PRR16: variants seen among roughly 807,000 people sequenced by gnomAD.
The protein encoded by PRR16 is proline rich 16, also known as protein Largen.
Under a neutral mutation model 18.2 loss-of-function variants are expected in PRR16, and 6 were observed. The ratio of observed to expected loss-of-function variants is 0.33; its 90% CI spans 0.18 to 0.65. PRR16 has a LOEUF of 0.65. PRR16 is among the 30% of genes least tolerant of loss of function. PRR16 has a pLI of 0.74. For missense variants in PRR16, 412 were observed against 376.6 expected (o/e 1.09, Z -0.78); for synonymous variants, 151 against 147.8 (o/e 1.02, Z -0.16).
intron 1 of PRR16, among the ~76,000 whole-genome samples, chr5:120,684,611 A>G (rs1440554724): frequency 6.6e-6 from 1 of 152,214 alleles, no homozygotes; most frequent in East Asian, 1.9e-4. Flanking sequence ...TATGGTGGCT[A>G]TGAGAATGGC....
rs142273290 is a variant in PRR16 at position 120,473,927 on chromosome 5, C to T, written c.159+9282C>T. Among the ~76,000 whole-genome samples the T allele has an allele frequency of 3.7e-3, 564 of 152,218 alleles. 5 individuals carry two copies. The highest frequency in any genetic ancestry group is 4.6e-3 in the Non-Finnish European group (311 of 68,008). On this transcript the variant is annotated intron_variant, in intron 1 of 1. Coordinates refer to ENST00000407149, the MANE Select transcript of PRR16 (RefSeq NM_001300783.2). ...AGAATAAGCCTCACTGAGAAAGTGG[C>T]ATGGTGGCATTGGGGAAAATGCTTG...
chr5:120,508,143 CTT>C (rs1346167262), intron 1 of PRR16, among the ~76,000 whole-genome samples: 14 of 152,088 alleles, frequency 9.2e-5, no homozygotes, highest in Non-Finnish European at 1.9e-4. Flanking sequence ...TACCTTTCCT[CTT>C]TTTCCTTCCT....
At chr5:120,562,737 A>G (rs1176582953) in intron 1 of PRR16, among the ~76,000 whole-genome samples, 1 of 152,178 alleles carries the variant, frequency 6.6e-6, no homozygotes, top group Non-Finnish European at 1.5e-5. Context: ...CACTGATGGC[A>G]TAAACAGACA....
chr5:120,495,416 A>G (rs1347173107), intron 1 of PRR16, among the ~76,000 whole-genome samples: 1 of 152,140 alleles, frequency 6.6e-6, no homozygotes, highest in Non-Finnish European at 1.5e-5. Flanking sequence ...ATAAAATGGT[A>G]TGGTATTTGC....
intron 1 of PRR16, among the ~76,000 whole-genome samples, chr5:120,661,497 T>A (rs918793204): frequency 6.6e-6 from 1 of 152,162 alleles, no homozygotes; most frequent in African/African-American, 2.4e-5. Flanking sequence ...AATTAGCCTC[T>A]TGAATACTCT....
chr5:120,760,428 C>G, the PRR16 span, among the ~76,000 whole-genome samples: 5 of 152,198 alleles, frequency 3.3e-5, no homozygotes, highest in Non-Finnish European at 5.9e-5. Flanking sequence ...CTCCCTCCCC[C>G]TCATATTAGT....
intron 1 of PRR16, among the ~76,000 whole-genome samples, chr5:120,680,955 G>C (rs1324991617): frequency 6.6e-6 from 1 of 152,020 alleles, no homozygotes; most frequent in Non-Finnish European, 1.5e-5. Flanking sequence ...ACTATATGTT[G>C]CTTTGCTTAA....
intron 1 of PRR16, among the ~76,000 whole-genome samples, chr5:120,541,493 G>A (rs1751914017): frequency 6.6e-6 from 1 of 152,114 alleles, no homozygotes; most frequent in Non-Finnish European, 1.5e-5. Context: ...CCAACTCTGT[G>A]TCATTTCTCG....
At chr5:120,493,799 T>TAAAA (rs1428945629) in intron 1 of PRR16, among the ~76,000 whole-genome samples, 5 of 152,158 alleles carry the variant, frequency 3.3e-5, no homozygotes, top group Non-Finnish European at 7.4e-5. Flanking sequence ...TAATCTTTTG[T>TAAAA]GGTTAGGCTT....
intron 1 of PRR16, among the ~76,000 whole-genome samples, chr5:120,544,811 T>C (rs909566732): frequency 1.1e-4 from 17 of 151,958 alleles, no homozygotes; most frequent in African/African-American, 3.9e-4. Context: ...ATTACAGGTG[T>C]CAGCCACCAC....
chr5:120,753,870 T>TTA, the PRR16 span, among the ~76,000 whole-genome samples: 85,828 of 126,476 alleles, frequency 0.68, 29,490 homozygotes, highest in East Asian at 0.85. Context: ...ATCTTATATA[T>TTA]TATATATTTA....
At chr5:120,539,262 TTTTTCTAAATA>T (rs1477117781) in intron 1 of PRR16, among the ~76,000 whole-genome samples, 2 of 151,162 alleles carry the variant, frequency 1.3e-5, no homozygotes, top group African/African-American at 2.4e-5. Context: ...AAAATAATAT[TTTTTCTAAATA>T]TTTTCTAAAT....
chr5:120,492,792 T>C (rs759973235), intron 1 of PRR16, among the ~76,000 whole-genome samples: 7 of 152,164 alleles, frequency 4.6e-5, no homozygotes, highest in Non-Finnish European at 7.3e-5. Context: ...ATCCCAGTTA[T>C]AAGTGAGGAC....
At chr5:120,545,261 A>G (rs1561539818) in intron 1 of PRR16, among the ~76,000 whole-genome samples, 1 of 152,126 alleles carries the variant, frequency 6.6e-6, no homozygotes. Context: ...CTGGCAAATA[A>G]AATTAGATTT....
At chr5:120,744,540 G>C in the PRR16 span, among the ~76,000 whole-genome samples, 3 of 152,176 alleles carry the variant, frequency 2.0e-5, no homozygotes, top group Non-Finnish European at 2.9e-5. Flanking sequence ...ATTATCAATA[G>C]AGGACAGCCA....
chr5:120,688,949 GA>G (rs908328414), downstream of PRR16, among the ~76,000 whole-genome samples: 7 of 152,110 alleles, frequency 4.6e-5, no homozygotes, highest in African/African-American at 1.4e-4. Context: ...GCTTCTCCAT[GA>G]AAGACCATAT....
At chr5:120,478,834 C>G (rs139197729) in intron 1 of PRR16, among the ~76,000 whole-genome samples, 1,622 of 152,182 alleles carry the variant, frequency 0.011, 12 homozygotes, top group East Asian at 0.024. Context: ...ACAACCTTCT[C>G]TGTTTTTCTG....
chr5:120,651,357 C>T (rs1755782912), intron 1 of PRR16, among the ~76,000 whole-genome samples: 1 of 152,154 alleles, frequency 6.6e-6, no homozygotes, highest in African/African-American at 2.4e-5. Flanking sequence ...TCCATTTTGG[C>T]TTTTGTTGCC....
chr5:120,539,438 T>C (rs1751835363), intron 1 of PRR16, among the ~76,000 whole-genome samples: 2 of 152,110 alleles, frequency 1.3e-5, no homozygotes, highest in Admixed American at 1.3e-4. Flanking sequence ...GAAATTTATT[T>C]AAATTACTAC....
Sources: gnomAD v4.1 joint callset for allele counts (sites outside exome capture counted in the v4.1 genomes callset) on GRCh38, gnomAD v4.1.1 for gene constraint, MANE v1.5 for transcripts, NCBI Gene and HGNC (gene_info 2026-07-23, HGNC 2026-07-21) for gene names.